SLC6A20: variants seen among roughly 807,000 people sequenced by gnomAD.
SLC6A20 encodes the protein solute carrier family 6 member 20.
A neutral mutation model predicts 64.3 loss-of-function variants in SLC6A20; 73 were observed. The ratio of observed to expected loss-of-function variants is 1.14; its 90% CI spans 0.94 to 1.38. The LOEUF (loss-of-function observed/expected upper bound fraction) is 1.38, where lower values mean the gene tolerates loss of function less well. SLC6A20 is among the 40% of genes most tolerant of loss of function. SLC6A20 has a pLI of 0.00. For missense variants in SLC6A20, 725 were observed against 772.8 expected, an observed-to-expected ratio of 0.94 and a Z score of 0.73; for synonymous variants, 347 against 329.6, an observed-to-expected ratio of 1.05 and a Z score of -0.57.
chr3:45,793,880 T>C (rs1248902851), intron 1 of SLC6A20, among the ~76,000 whole-genome samples: 1 of 152,220 alleles, frequency 6.6e-6, no homozygotes, highest in African/African-American at 2.4e-5. Context: ...AAGGTGACTT[T>C]ACTGTGCAGT....
chr3:45,764,308 C>T (rs986040680), intron 8 of SLC6A20, among the ~76,000 whole-genome samples: 9 of 152,192 alleles, frequency 5.9e-5, no homozygotes, highest in East Asian at 1.9e-4. Context: ...AAGGGGCAGA[C>T]GATCGCTGCT....
chr3:45,787,514 G>A (rs530081002), intron 1 of SLC6A20, among the ~76,000 whole-genome samples: 3 of 152,256 alleles, frequency 2.0e-5, no homozygotes, highest in African/African-American at 7.2e-5. Flanking sequence ...CTTGTTCTCT[G>A]CTCTGCTTAG....
chr3:45,784,669 TA>T (rs562182176), intron 1 of SLC6A20, among the ~76,000 whole-genome samples: 10 of 149,360 alleles, frequency 6.7e-5, no homozygotes, highest in Admixed American at 1.3e-4. Context: ...TCAAAAAATG[TA>T]AAAAAAAAAT....
chr3:45,758,281 C>T lies in SLC6A20; in HGVS notation c.*697G>A, dbSNP rs1699585756. On this transcript the variant is annotated 3_prime_UTR_variant, in exon 11 of 11. Coordinates refer to ENST00000358525, the MANE Select transcript of SLC6A20 (RefSeq NM_020208.4). ...TCCTTTTCCAATGCACCAAGACACA[C>T]ACCACGGAGGGATGTCTGCACAGAC... The T allele has an allele frequency of 4.9e-6, 2 of 404,192 alleles. No homozygotes were observed. The highest frequency in any genetic ancestry group is 8.5e-6 in the Non-Finnish European group (2 of 235,276). The allele number at this position is 404,192 out of a possible 1,614,324, so 25.0% of individuals were successfully genotyped here. A position where few individuals can be genotyped will look rare whatever the true frequency, so the allele number is the denominator to read the frequency against.
intron 2 of SLC6A20, among the ~76,000 whole-genome samples, chr3:45,781,136 G>A (rs910951452): frequency 3.9e-5 from 6 of 152,066 alleles, no homozygotes; most frequent in African/African-American, 7.2e-5. Context: ...CAGGAGAAAC[G>A]GTTGAATCCG....
At chr3:45,781,109 T>C (rs548316198) in intron 2 of SLC6A20, among the ~76,000 whole-genome samples, 1 of 151,916 alleles carries the variant, frequency 6.6e-6, no homozygotes, top group East Asian at 1.9e-4. Context: ...TAATTCCAGC[T>C]CATCAGGAGG....
rs765637993 is a variant in SLC6A20, at chr3:45,763,026, C to T, written c.1350G>A (p.Met450Ile). The T allele has an allele frequency of 1.2e-6, 2 of 1,614,190 alleles. No individual in the cohort carries two copies. The highest frequency in any genetic ancestry group is 1.1e-5 in the South Asian group (1 of 91,082). The stretch of plus-strand genomic sequence containing the variant: ...TGTCAAACCAGTAGTTCCCAGCCTC[C>T]ATCGTGAACACCATGCCAATGGCAC... ...VNCAIGMVFT[M>I]EAGNYWFDIF... Residue 450 changes from methionine (M) to isoleucine (I), a missense_variant, in exon 9 of 11, where the codon ATG becomes ATA. Met to Ile is a conservative substitution (Grantham distance 10, BLOSUM62 1). Transcript: ENST00000358525.
intron 5 of SLC6A20, chr3:45,772,131 C>T (rs1303505316): frequency 1.4e-5 from 3 of 212,074 alleles, no homozygotes; most frequent in East Asian, 1.5e-4. Context: ...GAAACGGGTG[C>T]GTGGAACCAT....
chr3:45,777,307 C>T (rs751166436), intron 3 of SLC6A20, among the ~76,000 whole-genome samples: 6 of 151,722 alleles, frequency 4.0e-5, no homozygotes, highest in Middle Eastern at 3.4e-3. Flanking sequence ...TGAGGACCTC[C>T]ACGCCCACCC....
chr3:45,781,156 G>A (rs1422263340), intron 2 of SLC6A20, among the ~76,000 whole-genome samples: 1 of 151,634 alleles, frequency 6.6e-6, no homozygotes, highest in East Asian at 1.9e-4. Context: ...GGGAGTGGAG[G>A]TTGCAGTGAG....
intron 1 of SLC6A20, among the ~76,000 whole-genome samples, chr3:45,792,356 G>A (rs990137450): frequency 1.3e-5 from 2 of 152,204 alleles, no homozygotes; most frequent in African/African-American, 4.8e-5. Context: ...CAGAAGTCTT[G>A]TTCTCTCTGA....
At chr3:45,759,577 G>A (rs898910427) in intron 10 of SLC6A20, among the ~76,000 whole-genome samples, 7 of 152,232 alleles carry the variant, frequency 4.6e-5, no homozygotes, top group Admixed American at 4.6e-4. Flanking sequence ...AGGAGCTGGC[G>A]CCTTTGCAGC....
rs147309003 is a variant in SLC6A20 at position 45,759,919 on chromosome 3, A to T, written c.1567T>A (p.Phe523Ile). Residue 523 changes from phenylalanine to isoleucine, a missense_variant, in exon 10 of 11, where the codon TTC becomes ATC. Physicochemically the swap from Phe to Ile is conservative, Grantham distance 21. Coordinates refer to ENST00000358525, the MANE Select transcript of SLC6A20 (RefSeq NM_020208.4). ...GTGAGGATGTAGTCGCTCAGGTAGA[A>T]GACAAAGAGGCTGACAATCAGCAGT... The part of the protein sequence containing the change: ...SPLLIVSLFV[F>I]YLSDYILTGT... 72 of 1,614,070 alleles carry T rather than the reference A, an allele frequency of 4.5e-5. No individual in the cohort carries two copies. The highest frequency in any genetic ancestry group is 6.1e-5 in the Non-Finnish European group (72 of 1,180,040).
chr3:45,758,163 C>G lies in SLC6A20; in HGVS notation c.*815G>C. ...AAACTCCTGACCTCAAGTGATCCAC[C>G]CACCTTGACCCCCAAGGTGCTAGGA... On this transcript the variant is annotated 3_prime_UTR_variant, in exon 11 of 11. Coordinates refer to ENST00000358525, the MANE Select transcript of SLC6A20 (RefSeq NM_020208.4). The G allele has an allele frequency of 1.2e-5, 2 of 171,740 alleles. No homozygotes were observed. Among genetic ancestry groups the G allele is most frequent in the South Asian group, 2.2e-4 (2 of 9,104 alleles). 10.6% of individuals were successfully genotyped at this position (171,740 alleles called of 1,614,324 possible). A position where few individuals can be genotyped will look rare whatever the true frequency, so the allele number is the denominator to read the frequency against.
Position 45,788,511 on chromosome 3 carries a change from G to A in SLC6A20, c.122-6288C>T, listed in dbSNP as rs528727301. ...TTGTGTACATTGAAAGCACTCACTA[G>A]TCCTAGGTTAACTTGATGAAAACAT... On this transcript the variant is annotated intron_variant, in intron 1 of 10. Coordinates refer to ENST00000358525, the MANE Select transcript of SLC6A20 (RefSeq NM_020208.4). 2.0e-5 allele frequency among the ~76,000 whole-genome samples: 3 copies of A among 152,258 alleles called. No homozygotes were observed. The South Asian group carries it at 6.2e-4, about 32-fold the overall frequency.
chr3:45,763,276 A>G (rs1282277064), intron 8 of SLC6A20, among the ~76,000 whole-genome samples: 2 of 152,040 alleles, frequency 1.3e-5, no homozygotes, highest in African/African-American at 4.8e-5. Context: ...GGTGTCCCGA[A>G]GCGTGTTGGC....
chr3:45,784,707 C>T (rs1209925574), intron 1 of SLC6A20, among the ~76,000 whole-genome samples: 1 of 152,130 alleles, frequency 6.6e-6, no homozygotes, highest in African/African-American at 2.4e-5. Flanking sequence ...CCAAAGAATG[C>T]CTGTCTTAGT....
chr3:45,762,154 C>T (rs576657743), intron 9 of SLC6A20, among the ~76,000 whole-genome samples: 26 of 152,322 alleles, frequency 1.7e-4, no homozygotes, highest in African/African-American at 5.3e-4. Flanking sequence ...GGGGTGGGCC[C>T]GAGCTTCTGC....
intron 7 of SLC6A20, among the ~76,000 whole-genome samples, chr3:45,768,646 C>T (rs720626): frequency 0.96 from 146,598 of 152,276 alleles, 70,567 homozygotes; most frequent in South Asian, 0.98. Context: ...AAGCATTGTC[C>T]CACCCATGAA....
Sources: gnomAD v4.1 joint callset for allele counts (sites outside exome capture counted in the v4.1 genomes callset) on GRCh38, gnomAD v4.1.1 for gene constraint, MANE v1.5 for transcripts, NCBI Gene and HGNC (gene_info 2026-07-23, HGNC 2026-07-21) for gene names.